The following ELFN2 variants were observed in gnomAD, a reference collection of about 807,000 sequenced individuals.
ELFN2 encodes extracellular leucine rich repeat and fibronectin type III domain containing 2, also known as protein phosphatase 1 regulatory subunit 29.
A neutral mutation model predicts 45.5 loss-of-function variants in ELFN2; 17 were observed. The ratio of observed to expected loss-of-function variants is 0.37; its 90% CI spans 0.26 to 0.56. The LOEUF (loss-of-function observed/expected upper bound fraction) is 0.56. Among genes scored for constraint, ELFN2 ranks in the 20% least tolerant of loss-of-function variants. The pLI, the probability that ELFN2 is intolerant of heterozygous loss-of-function variation, is 0.77. For missense variants in ELFN2, 922 were observed against 1,183.2 expected, an observed-to-expected ratio of 0.78 and a Z score of 3.24; for synonymous variants, 550 against 551.5, an observed-to-expected ratio of 1.00 and a Z score of 0.04.
rs2145633657 is a variant in ELFN2 at position 37,373,147 on chromosome 22, G to T, written c.2388C>A (p.Val796=). The stretch of plus-strand genomic sequence containing the variant: ...GCAGATCCTCGTCCTTGGCGAACTG[G>T]ACCTTCTTGCGCAGGGCGTGACCGG... ...MAAGHALRKK[V]QFAKDEDLHD... Residue 796 remains valine (V), a synonymous_variant, in exon 3 of 3, where the codon GTC becomes GTA. Transcript: ENST00000402918. 3 of 1,613,466 alleles carry T rather than the reference G, an allele frequency of 1.9e-6. No homozygotes were observed. The East Asian group carries it at 6.7e-5, about 36-fold the overall frequency.
At chr22:37,346,126 T>G (rs1406058889) in intron 1 of ELFN2, among the ~76,000 whole-genome samples, 1 of 152,212 alleles carries the variant, frequency 6.6e-6, no homozygotes, top group Non-Finnish European at 1.5e-5. Flanking sequence ...AGGGAGATAA[T>G]TCGGGAAAAG....
downstream of ELFN2, among the ~76,000 whole-genome samples, chr22:37,365,006 GC>G (rs1931171429): frequency 6.6e-6 from 1 of 152,222 alleles, no homozygotes; most frequent in African/African-American, 2.4e-5. Context: ...CACCAGAGGA[GC>G]AGGTGGGGCA....
intron 1 of ELFN2, among the ~76,000 whole-genome samples, chr22:37,421,335 C>G (rs954690250): frequency 3.9e-5 from 6 of 152,208 alleles, no homozygotes; most frequent in African/African-American, 9.6e-5. Flanking sequence ...GCGCCTTGCC[C>G]GATGCCTGGC....
At chr22:37,341,589 A>G (rs1930562372) in intron 2 of ELFN2, among the ~76,000 whole-genome samples, 2 of 152,096 alleles carry the variant, frequency 1.3e-5, no homozygotes, top group Admixed American at 6.5e-5. Flanking sequence ...GGATGGTTCT[A>G]TTTCTGGGAT....
intron 2 of ELFN2, among the ~76,000 whole-genome samples, chr22:37,390,242 C>T (rs944364386): frequency 2.3e-4 from 35 of 152,328 alleles, no homozygotes; most frequent in Non-Finnish European, 4.3e-4. Flanking sequence ...GAGTGCCCAG[C>T]GCCTGACACA....
chr22:37,386,199 T>G (rs1337835372), intron 2 of ELFN2, among the ~76,000 whole-genome samples: 1 of 152,176 alleles, frequency 6.6e-6, no homozygotes, highest in African/African-American at 2.4e-5. Flanking sequence ...GCCTAGGTGC[T>G]GTTTCCAAGC....
In ELFN2 at chr22:37,372,954, G is replaced by A. The variant is rs1455572468; in HGVS notation, c.*118C>T. ...TGCGTGCGTGCGTGCGGGTCTGCAT[G>A]TGCGTCCTCTCCTGGGCCTTGGCCC... is the stretch of plus-strand genomic sequence containing the variant. On this transcript the variant is annotated 3_prime_UTR_variant, in exon 3 of 3. Transcript: ENST00000402918. The surrounding 1 kb of genome is among the most constrained non-coding windows in gnomAD (Gnocchi z 4.4). 1.7e-6 allele frequency: 2 copies of A among 1,206,536 alleles called. No homozygotes were observed. The highest frequency in any genetic ancestry group is 1.6e-5 in the South Asian group (1 of 63,944). 74.7% of individuals were successfully genotyped at this position (1,206,536 alleles called of 1,614,324 possible).
chr22:37,363,562 G>T (rs553925703), downstream of ELFN2, among the ~76,000 whole-genome samples: 1 of 152,258 alleles, frequency 6.6e-6, no homozygotes, highest in African/African-American at 2.4e-5. Flanking sequence ...GGGATTTGGG[G>T]TGGGGACTGG....
rs139809906 is a variant in ELFN2, at chr22:37,374,772, C to A, written c.763G>T (p.Val255Leu). ...GTGGAGTAGGGCGTGGGGTGGCTCA[C>A]GGGCCGGGCGGGCAGCGAGCCATTC... is the stretch of plus-strand genomic sequence containing the variant. ...CRNGSLPARP[V>L]SHPTPYSTDA... The change falls in exon 3 of 3, where the codon GTG becomes TTG. Residue 255 changes from valine (V) to leucine (L), a missense_variant. Physicochemically the swap from Val to Leu is conservative, Grantham distance 32. Transcript: ENST00000402918. 5.9e-4 allele frequency: 956 copies of A among 1,607,610 alleles called. 5 individuals are homozygous for A. The East Asian group carries it at 6.0e-3, about 10-fold the overall frequency.
At position 37,371,353 on chromosome 22, in the gene ELFN2, G is replaced by A. The variant is rs1222196513; in HGVS notation, c.*1719C>T. ...CATGTGGGCCACAGGCCCTAGACTG[G>A]GGGTCTCTGGCAGGGGCGTGGGGAG... is the stretch of plus-strand genomic sequence containing the variant. On this transcript the variant is annotated 3_prime_UTR_variant, in exon 3 of 3. Transcript: ENST00000402918. This position sits in a 1 kb window ranked among gnomAD's most constrained non-coding sequence, Gnocchi z 6.4. The A allele has an allele frequency of 1.3e-5, 2 of 152,290 alleles. No homozygotes were observed. The allele number at this position is 152,290 out of a possible 1,614,324, so 9.4% of individuals were successfully genotyped here. A position where few individuals can be genotyped will look rare whatever the true frequency, so the allele number is the denominator to read the frequency against.
rs1281389434 is a variant in ELFN2 at position 37,371,658 on chromosome 22, A to C, written c.*1414T>G. 6.6e-6 allele frequency: 1 copy of C among 152,580 alleles called. No homozygotes were observed. The highest frequency in any genetic ancestry group is 1.5e-5 in the Non-Finnish European group (1 of 68,100). The allele number at this position is 152,580 out of a possible 1,614,324, so 9.5% of individuals were successfully genotyped here. A position where few individuals can be genotyped will look rare whatever the true frequency, so the allele number is the denominator to read the frequency against. ...ACATGGACAGAGAACCCCAGAGCCC[A>C]ACGGTCACTCTGGGCACCAACTGCC... On this transcript the variant is annotated 3_prime_UTR_variant, in exon 3 of 3. Coordinates refer to ENST00000402918, the MANE Select transcript of ELFN2 (RefSeq NM_052906.5). The surrounding 1 kb of genome is among the most constrained non-coding windows in gnomAD (Gnocchi z 6.4).
rs545354111 is a variant in ELFN2, at chr22:37,409,551, C to T, written c.-463+8218G>A. On this transcript the variant is annotated intron_variant, in intron 2 of 2. Transcript: ENST00000402918. ...GTGCTCAGCCAACAGCGAGAGGAGC[C>T]CAGATGTCCACACTTAGCCTTGGAA... Among the ~76,000 whole-genome samples, 19 of 152,330 alleles carry T rather than the reference C, an allele frequency of 1.2e-4. No homozygotes were observed. The East Asian group carries it at 3.7e-3, about 29-fold the overall frequency.
At chr22:37,394,608 C>T (rs1932165222) in intron 2 of ELFN2, among the ~76,000 whole-genome samples, 1 of 152,246 alleles carries the variant, frequency 6.6e-6, no homozygotes. Context: ...CCCGCCCCGG[C>T]ACACAGTAGG....
intron 2 of ELFN2, among the ~76,000 whole-genome samples, chr22:37,390,266 C>T (rs906073310): frequency 6.6e-5 from 10 of 152,190 alleles, no homozygotes; most frequent in African/African-American, 1.4e-4. Context: ...GAGTCGGGTG[C>T]GAATGATGCC....
At chr22:37,347,948 C>T (rs757439330) in intron 1 of ELFN2, among the ~76,000 whole-genome samples, 6 of 152,170 alleles carry the variant, frequency 3.9e-5, no homozygotes, top group African/African-American at 1.2e-4. Context: ...GGGGAGCTCG[C>T]GCCCACCTGC....
chr22:37,411,901 C>T (rs1490252456), intron 2 of ELFN2, among the ~76,000 whole-genome samples: 1 of 152,120 alleles, frequency 6.6e-6, no homozygotes, highest in Non-Finnish European at 1.5e-5. Context: ...GGTCTCACTT[C>T]CCACCACCAA....
chr22:37,374,698 C>A lies in ELFN2; in HGVS notation c.837G>T (p.Glu279Asp). The change falls in exon 3 of 3, where the codon GAG (glutamate) becomes GAT (aspartate). Residue 279 changes from glutamate to aspartate, a missense_variant. Physicochemically the swap from Glu to Asp is conservative, Grantham distance 45 (BLOSUM62 2). Coordinates refer to ENST00000402918, the MANE Select transcript of ELFN2 (RefSeq NM_052906.5). Reference protein sequence around the residue: ...PDENSGFNPDEILSVEPPASS... With the variant: ...PDENSGFNPDDILSVEPPASS... Reference sequence around the variant, plus strand: ...AGGCCGGCGGCTCCACCGAAAGGATCTCGTCGGGGTTGAAGCCCGAGTTCT... The same window carrying A: ...AGGCCGGCGGCTCCACCGAAAGGATATCGTCGGGGTTGAAGCCCGAGTTCT... The A allele has an allele frequency of 1.9e-6, 3 of 1,611,738 alleles. No homozygotes were observed. Among genetic ancestry groups the A allele is most frequent in the Non-Finnish European group, 2.5e-6 (3 of 1,178,194 alleles).
At chr22:37,358,661 G>A (rs775085197) in intron 1 of ELFN2, among the ~76,000 whole-genome samples, 16 of 152,236 alleles carry the variant, frequency 1.1e-4, no homozygotes, top group Non-Finnish European at 1.6e-4. Context: ...TTTCTGGCAG[G>A]TGCCAAGGTC....
Position 37,417,617 on chromosome 22 carries a change from G to T in ELFN2, c.-463+152C>A, listed in dbSNP as rs934826153. ...CTGTGGAAGGAAAGCTGGGTGGGAGGGGTGCCCACGGCTGGGGGCAGGGGC... is the reference window on the plus strand; with the variant it reads ...CTGTGGAAGGAAAGCTGGGTGGGAGTGGTGCCCACGGCTGGGGGCAGGGGC... On this transcript the variant is annotated intron_variant, in intron 2 of 2. Transcript: ENST00000402918. The surrounding 1 kb of genome is among the most constrained non-coding windows in gnomAD (Gnocchi z 4.5). Among the ~76,000 whole-genome samples the T allele has an allele frequency of 6.6e-6, 1 of 152,222 alleles. No individual in the cohort carries two copies. Among genetic ancestry groups the T allele is most frequent in the African/African-American group, 2.4e-5 (1 of 41,462 alleles).
Sources: gnomAD v4.1 joint callset for allele counts (sites outside exome capture counted in the v4.1 genomes callset) on GRCh38, gnomAD v4.1.1 for gene constraint, Gnocchi (gnomAD v3.1) non-coding constraint, MANE v1.5 for transcripts, NCBI Gene and HGNC (gene_info 2026-07-23, HGNC 2026-07-21) for gene names.